Variants in MAEA observed in about 807,000 individuals in gnomAD.
MAEA encodes the protein macrophage erythroblast attacher, E3 ubiquitin ligase.
MAEA carries 22 observed loss-of-function variants against 46.2 expected under a neutral mutation model. The observed-to-expected ratio is 0.48, with a 90% CI of 0.34 to 0.68. The LOEUF (loss-of-function observed/expected upper bound fraction) is 0.68, where lower values mean the gene tolerates loss of function less well. MAEA is among the 30% of genes least tolerant of loss of function. The pLI is 0.01. For synonymous variants in MAEA, 246 were observed against 222.6 expected (o/e 1.11, Z -0.94); for missense variants, 393 against 558.1 (o/e 0.70, Z 2.98).
intron 5 of MAEA, chr4:1,330,072 C>T (rs889914116): frequency 9.3e-5 from 92 of 985,408 alleles, no homozygotes; most frequent in Non-Finnish European, 6.3e-5. Flanking sequence ...GGGGTGGCTG[C>T]AGCTCCGCCC....
intron 7 of MAEA, 54 bp from the exon 8 acceptor site, chr4:1,338,368 G>A: frequency 6.8e-7 from 1 of 1,474,810 alleles, no homozygotes. Flanking sequence ...AGGGGGCTGG[G>A]CTCACCCCGG....
intron 3 of MAEA, among the ~76,000 whole-genome samples, chr4:1,318,774 C>T (rs577148911): frequency 4.5e-4 from 68 of 152,292 alleles, no homozygotes; most frequent in African/African-American, 1.6e-3. Flanking sequence ...CATGGAATTC[C>T]CACGTGGGAC....
chr4:1,299,653 A>G (rs1735122866), intron 1 of MAEA: 1 of 152,534 alleles, frequency 6.6e-6, no homozygotes, highest in Non-Finnish European at 1.5e-5. Flanking sequence ...TGCCGAGCCC[A>G]GGGTTTTACT....
chr4:1,317,138 C>T (rs188491118), intron 3 of MAEA, among the ~76,000 whole-genome samples: 4 of 113,298 alleles, frequency 3.5e-5, no homozygotes, highest in Non-Finnish European at 7.6e-5. Flanking sequence ...CAGACTCACC[C>T]GCAGGCCCAC....
At chr4:1,320,317 A>G (rs747465330) in intron 3 of MAEA, among the ~76,000 whole-genome samples, 1 of 151,778 alleles carries the variant, frequency 6.6e-6, no homozygotes, top group Non-Finnish European at 1.5e-5. Context: ...AGAAAATGCT[A>G]TGAAGGGGCT....
At chr4:1,302,546 C>G (rs1036795333) in intron 1 of MAEA, among the ~76,000 whole-genome samples, 10 of 152,234 alleles carry the variant, frequency 6.6e-5, no homozygotes, top group African/African-American at 2.2e-4. Flanking sequence ...GTGGCGCCAT[C>G]TCGGCTCACT....
intron 1 of MAEA, among the ~76,000 whole-genome samples, chr4:1,291,681 G>C (rs2108842925): frequency 6.6e-6 from 1 of 152,214 alleles, no homozygotes; most frequent in East Asian, 1.9e-4. Flanking sequence ...CACTAGATAG[G>C]AAAAGTTTCC....
At chr4:1,300,841 T>G (rs1735251426) in intron 1 of MAEA, among the ~76,000 whole-genome samples, 1 of 152,220 alleles carries the variant, frequency 6.6e-6, no homozygotes, top group Admixed American at 6.5e-5. Flanking sequence ...GGAAGTGTCA[T>G]TTTTTCAAGA....
chr4:1,334,859 C>T (rs551846908), intron 6 of MAEA: 1 of 985,398 alleles, frequency 1.0e-6, no homozygotes, highest in Admixed American at 6.1e-5. Flanking sequence ...ACCTTCTGGA[C>T]TGTGGGCTTC....
Position 1,311,232 on chromosome 4 carries a change from G to C in MAEA, c.70-747G>C, listed in dbSNP as rs1374822883. Among the ~76,000 whole-genome samples, 1 of 152,258 alleles carries C rather than the reference G, an allele frequency of 6.6e-6. No individual in the cohort carries two copies. The highest frequency in any genetic ancestry group is 1.5e-5 in the Non-Finnish European group (1 of 68,050). On this transcript the variant is annotated intron_variant, in intron 1 of 8. Coordinates refer to ENST00000303400, the MANE Select transcript of MAEA (RefSeq NM_001017405.3). This position sits in a 1 kb window ranked among gnomAD's most constrained non-coding sequence, Gnocchi z 4.4. ...ACCAGTGCAGCCAGGACCGCAGGTGGTGTTTCCTGCGGGAGCCCGGCCACG... is the reference window on the plus strand; with the variant it reads ...ACCAGTGCAGCCAGGACCGCAGGTGCTGTTTCCTGCGGGAGCCCGGCCACG...
At chr4:1,317,767 A>G (rs556982859) in intron 3 of MAEA, among the ~76,000 whole-genome samples, 56 of 152,254 alleles carry the variant, frequency 3.7e-4, no homozygotes, top group Admixed American at 2.7e-3. Context: ...CCAGATGGCA[A>G]AGTGCACTGA....
At chr4:1,327,968 C>G (rs1739061529) in intron 5 of MAEA, among the ~76,000 whole-genome samples, 1 of 152,236 alleles carries the variant, frequency 6.6e-6, no homozygotes, top group Non-Finnish European at 1.5e-5. Flanking sequence ...CCAGGGGAAC[C>G]AGCTTTGAGG....
intron 1 of MAEA, among the ~76,000 whole-genome samples, chr4:1,301,837 G>A (rs1417787374): frequency 6.6e-6 from 1 of 152,212 alleles, no homozygotes; most frequent in Non-Finnish European, 1.5e-5. Context: ...AGTGATGACC[G>A]AATAGACCTA....
chr4:1,316,043 C>G (rs1737121019), intron 3 of MAEA, among the ~76,000 whole-genome samples: 2 of 151,990 alleles, frequency 1.3e-5, no homozygotes, highest in African/African-American at 4.8e-5. Flanking sequence ...AGGTTCTTCT[C>G]ATTTCCCTGT....
At chr4:1,315,924 G>C (rs1475517017) in intron 3 of MAEA, among the ~76,000 whole-genome samples, 1 of 131,410 alleles carries the variant, frequency 7.6e-6, no homozygotes, top group African/African-American at 3.0e-5. Context: ...GTGTGTGTCT[G>C]CGCTGTGGTG....
intron 1 of MAEA, among the ~76,000 whole-genome samples, chr4:1,291,773 C>T (rs1479464670): frequency 1.3e-5 from 2 of 152,216 alleles, no homozygotes; most frequent in African/African-American, 4.8e-5. Flanking sequence ...AGGTCTTCTG[C>T]TGTTTTGTAA....
At chr4:1,328,940 C>T (rs936112466) in intron 5 of MAEA, 79 of 993,052 alleles carry the variant, frequency 8.0e-5, no homozygotes, top group Middle Eastern at 1.0e-3. Context: ...GTGAGCATTG[C>T]GGGGACACGG....
intron 1 of MAEA, among the ~76,000 whole-genome samples, chr4:1,300,184 T>C (rs527375134): frequency 1.3e-5 from 2 of 152,236 alleles, no homozygotes; most frequent in Admixed American, 1.3e-4. Context: ...TCCAACAGCA[T>C]CCTTAGCAGG....
At chr4:1,312,698 A>C in intron 2 of MAEA, 1 of 158,688 alleles carries the variant, frequency 6.3e-6, no homozygotes, top group Non-Finnish European at 1.4e-5. Flanking sequence ...CCAAAGCTGA[A>C]ATTACAGGTG....
Sources: gnomAD v4.1 joint callset for allele counts (sites outside exome capture counted in the v4.1 genomes callset) on GRCh38, gnomAD v4.1.1 for gene constraint, Gnocchi (gnomAD v3.1) non-coding constraint, MANE v1.5 for transcripts, NCBI Gene and HGNC (gene_info 2026-07-23, HGNC 2026-07-21) for gene names.